GALNTL6: variants seen among roughly 807,000 people sequenced by gnomAD.
GALNTL6 encodes the protein polypeptide N-acetylgalactosaminyltransferase-like 6.
Under a neutral mutation model 73.7 loss-of-function variants are expected in GALNTL6, and 46 were observed. That is an observed-to-expected ratio of 0.62 (90% CI 0.49 to 0.80). GALNTL6 has a LOEUF of 0.80. Among genes scored for constraint, GALNTL6 ranks in the 30% least tolerant of loss-of-function variants. The pLI is 0.00. For synonymous variants in GALNTL6, 259 were observed against 263.7 expected, an observed-to-expected ratio of 0.98 and a Z score of 0.17; for missense variants, 604 against 755.0, an observed-to-expected ratio of 0.80 and a Z score of 2.34.
intron 2 of GALNTL6, among the ~76,000 whole-genome samples, chr4:172,095,965 TTTTTCTTTTCTCTCTC>T (rs1732340430): frequency 6.6e-6 from 1 of 151,970 alleles, no homozygotes; most frequent in South Asian, 2.1e-4. Flanking sequence ...TTTTTTCCCA[TTTTTCTTTTCTCTCTC>T]TTTTCTTTTC....
At chr4:172,058,480 G>A (rs941325879) in intron 2 of GALNTL6, among the ~76,000 whole-genome samples, 1 of 151,788 alleles carries the variant, frequency 6.6e-6, no homozygotes, top group African/African-American at 2.4e-5. Flanking sequence ...AGTTACCTTG[G>A]TTGTATTTTA....
chr4:172,339,264 C>G (rs1490541142), intron 4 of GALNTL6, among the ~76,000 whole-genome samples: 1 of 50,944 alleles, frequency 2.0e-5, no homozygotes, highest in African/African-American at 8.0e-5. Context: ...ACACCACACA[C>G]ACACACACAC....
chr4:172,140,315 G>A (rs1733767152), intron 2 of GALNTL6, among the ~76,000 whole-genome samples: 1 of 151,982 alleles, frequency 6.6e-6, no homozygotes, highest in African/African-American at 2.4e-5. Context: ...TAGTACTCAG[G>A]AGAACAGATA....
chr4:172,002,630 C>T (rs1740713201), intron 2 of GALNTL6, among the ~76,000 whole-genome samples: 1 of 152,094 alleles, frequency 6.6e-6, no homozygotes, highest in Admixed American at 6.6e-5. Context: ...AGTCAAAACT[C>T]CCATTTTAAG....
intron 5 of GALNTL6, among the ~76,000 whole-genome samples, chr4:172,363,050 T>G (rs1234013040): frequency 2.0e-5 from 3 of 152,140 alleles, no homozygotes; most frequent in African/African-American, 4.8e-5. Flanking sequence ...CTATAACTTT[T>G]TCTTATGCAC....
intron 11 of GALNTL6, among the ~76,000 whole-genome samples, chr4:173,013,673 A>G (rs1051743800): frequency 6.6e-6 from 1 of 152,078 alleles, no homozygotes; most frequent in East Asian, 1.9e-4. Flanking sequence ...CATAGGCAGA[A>G]CAGAAAGACC....
chr4:172,959,887 C>T lies in GALNTL6; in HGVS notation c.1371+7629C>T, dbSNP rs558550428. ...GAATGCCTGCCTGCTGCGGTTTAGG[C>T]GTTTGGAAGTTCTTGTGTGCTGGAG... On this transcript the variant is annotated intron_variant, in intron 10 of 12. Transcript: ENST00000506823. Among the ~76,000 whole-genome samples, 21 of 152,224 alleles carry T rather than the reference C, an allele frequency of 1.4e-4. No homozygotes were observed. In the South Asian group the frequency reaches 4.0e-3, roughly 29 times the overall value.
At chr4:172,543,731 C>G (rs1735656660) in intron 5 of GALNTL6, among the ~76,000 whole-genome samples, 2 of 152,118 alleles carry the variant, frequency 1.3e-5, no homozygotes, top group Non-Finnish European at 2.9e-5. Flanking sequence ...CTGCATTTGC[C>G]CTTCCGCTAT....
chr4:172,081,499 G>A (rs138354361), intron 2 of GALNTL6, among the ~76,000 whole-genome samples: 9 of 152,302 alleles, frequency 5.9e-5, no homozygotes, highest in East Asian at 1.9e-4. Context: ...TTAGCTGGGC[G>A]TGGTAGCGCA....
chr4:171,987,370 T>C (rs542482030), intron 2 of GALNTL6, among the ~76,000 whole-genome samples: 8 of 152,300 alleles, frequency 5.3e-5, no homozygotes, highest in South Asian at 2.1e-4. Flanking sequence ...ATTATCAGAC[T>C]GTATAGAGAT....
chr4:172,688,410 G>A (rs757099542), intron 5 of GALNTL6, among the ~76,000 whole-genome samples: 1 of 152,200 alleles, frequency 6.6e-6, no homozygotes, highest in Admixed American at 6.5e-5. Context: ...GCAAGTGGTA[G>A]TGCTGACTGG....
chr4:172,348,793 A>C, intron 5 of GALNTL6, 104 bp downstream of exon 5: 2 of 681,076 alleles, frequency 2.9e-6, no homozygotes, highest in Non-Finnish European at 4.6e-6. Flanking sequence ...ATTCCATCTG[A>C]AAGGTGATTA....
In GALNTL6 at chr4:172,045,455, A is replaced by T. The variant is rs370666804; in HGVS notation, c.139-184201A>T. Among the ~76,000 whole-genome samples, 39 of 152,200 alleles carry T rather than the reference A, an allele frequency of 2.6e-4. No individual in the cohort carries two copies. In the East Asian group the frequency reaches 7.1e-3, roughly 28 times the overall value. ...TAATTTAATTTAAAAACAATATCAT[A>T]AACATTATAAGTCAGGTTCTGACAT... On this transcript the variant is annotated intron_variant, in intron 2 of 12. Transcript: ENST00000506823.
chr4:172,353,746 A>G (rs1035216147), intron 5 of GALNTL6, among the ~76,000 whole-genome samples: 8 of 151,974 alleles, frequency 5.3e-5, no homozygotes, highest in Non-Finnish European at 8.8e-5. Flanking sequence ...TACAATATGT[A>G]TGTATACATA....
intron 5 of GALNTL6, among the ~76,000 whole-genome samples, chr4:172,640,327 C>T (rs1027208155): frequency 1.3e-5 from 2 of 152,080 alleles, no homozygotes; most frequent in Non-Finnish European, 2.9e-5. Flanking sequence ...GTTCTGCCTC[C>T]ATACCTTTTA....
rs558122313 is a variant in GALNTL6 at position 172,172,789 on chromosome 4, A to G, written c.139-56867A>G. 5.9e-5 allele frequency among the ~76,000 whole-genome samples: 9 copies of G among 152,302 alleles called. No homozygotes were observed. In the South Asian group the frequency reaches 1.0e-3, roughly 18 times the overall value. On this transcript the variant is annotated intron_variant, in intron 2 of 12. Transcript: ENST00000506823. Reference sequence around the variant, plus strand: ...CGCCAGCCTCAGGCAGGCCCTACCCATTTGACTGACTACCCTGTCTGAGTA... The same window carrying G: ...CGCCAGCCTCAGGCAGGCCCTACCCGTTTGACTGACTACCCTGTCTGAGTA...
intron 5 of GALNTL6, among the ~76,000 whole-genome samples, chr4:172,711,147 A>G (rs542287741): frequency 6.6e-6 from 1 of 152,312 alleles, no homozygotes; most frequent in Non-Finnish European, 1.5e-5. Flanking sequence ...ATGTGACTGA[A>G]TTTTAAAACA....
chr4:172,446,073 C>G (rs1229057528), intron 5 of GALNTL6, among the ~76,000 whole-genome samples: 1 of 152,018 alleles, frequency 6.6e-6, no homozygotes, highest in Non-Finnish European at 1.5e-5. Context: ...AAAACAAAAG[C>G]AGCAGGTGTA....
At chr4:172,431,958 A>G (rs1731473899) in intron 5 of GALNTL6, among the ~76,000 whole-genome samples, 1 of 152,122 alleles carries the variant, frequency 6.6e-6, no homozygotes, top group African/African-American at 2.4e-5. Context: ...ATGTGACCTC[A>G]GTTATCCAAT....
Sources: gnomAD v4.1 joint callset for allele counts (sites outside exome capture counted in the v4.1 genomes callset) on GRCh38, gnomAD v4.1.1 for gene constraint, MANE v1.5 for transcripts, NCBI Gene and HGNC (gene_info 2026-07-23, HGNC 2026-07-21) for gene names.